The following FSTL4 variants were observed in gnomAD, a reference collection of about 807,000 sequenced individuals.
FSTL4 encodes the protein follistatin like 4, also known as follistatin-related protein 4.
A neutral mutation model predicts 78.2 loss-of-function variants in FSTL4; 28 were observed. The observed-to-expected ratio is 0.36, with a 90% CI of 0.27 to 0.49. The LOEUF is 0.49. Among genes scored for constraint, FSTL4 ranks in the 20% least tolerant of loss-of-function variants. The pLI, the probability that FSTL4 is intolerant of heterozygous loss-of-function variation, is 0.98. For missense variants in FSTL4, 922 were observed against 1,084.9 expected, an observed-to-expected ratio of 0.85 and a Z score of 2.11; for synonymous variants, 422 against 440.5, an observed-to-expected ratio of 0.96 and a Z score of 0.53.
chr5:133,715,856 C>T, the FSTL4 span, among the ~76,000 whole-genome samples: 8 of 152,178 alleles, frequency 5.3e-5, no homozygotes, highest in Admixed American at 2.0e-4. Context: ...TTTGCTTTCC[C>T]CACTCAGCTC....
the FSTL4 span, among the ~76,000 whole-genome samples, chr5:133,662,624 G>A: frequency 2.6e-5 from 4 of 152,206 alleles, no homozygotes; most frequent in Non-Finnish European, 2.9e-5. Context: ...TTCAGGCCAT[G>A]AAAAACTTTA....
intron 4 of FSTL4, among the ~76,000 whole-genome samples, chr5:133,321,006 CA>C (rs3976680): frequency 0.012 from 1,091 of 90,410 alleles, 9 homozygotes; most frequent in African/African-American, 0.042. Context: ...GACTCCGTCT[CA>C]AAAAAAAAAA....
intron 3 of FSTL4, among the ~76,000 whole-genome samples, chr5:133,425,066 T>C (rs754059452): frequency 1.4e-3 from 212 of 152,342 alleles, no homozygotes; most frequent in African/African-American, 4.9e-3. Flanking sequence ...CAAGTGAGTA[T>C]TGATAGAAAA....
At chr5:133,422,254 T>G (rs1756712193) in intron 3 of FSTL4, among the ~76,000 whole-genome samples, 1 of 152,084 alleles carries the variant, frequency 6.6e-6, no homozygotes, top group Admixed American at 6.6e-5. Flanking sequence ...CACTGGTGGA[T>G]TTTAAGCAGG....
At chr5:133,389,476 C>T (rs968090886) in intron 4 of FSTL4, among the ~76,000 whole-genome samples, 21 of 152,204 alleles carry the variant, frequency 1.4e-4, no homozygotes, top group Admixed American at 3.3e-4. Flanking sequence ...AGCTCACTCT[C>T]TGCGGAATTA....
At chr5:133,760,333 C>T in the FSTL4 span, among the ~76,000 whole-genome samples, 9 of 152,220 alleles carry the variant, frequency 5.9e-5, no homozygotes, top group Non-Finnish European at 1.3e-4. Flanking sequence ...GGAAAGGGAG[C>T]AGAACCTCTA....
At chr5:133,692,712 A>G in the FSTL4 span, among the ~76,000 whole-genome samples, 1 of 152,150 alleles carries the variant, frequency 6.6e-6, no homozygotes, top group African/African-American at 2.4e-5. Context: ...GTGTCTTCCA[A>G]GAGTGAGCAG....
At chr5:133,428,058 T>C (rs944543497) in intron 3 of FSTL4, among the ~76,000 whole-genome samples, 1 of 152,332 alleles carries the variant, frequency 6.6e-6, no homozygotes, top group East Asian at 1.9e-4. Flanking sequence ...AATGTGTGAA[T>C]AACAATACCT....
At chr5:133,404,696 G>A (rs535223176) in intron 3 of FSTL4, among the ~76,000 whole-genome samples, 6 of 152,226 alleles carry the variant, frequency 3.9e-5, no homozygotes, top group East Asian at 1.9e-4. Flanking sequence ...GTAATTGAGC[G>A]GTTGTGGAAG....
intron 3 of FSTL4, among the ~76,000 whole-genome samples, chr5:133,430,893 C>T (rs1756921208): frequency 6.6e-6 from 1 of 152,128 alleles, no homozygotes; most frequent in East Asian, 1.9e-4. Flanking sequence ...AAAAGGACAC[C>T]TTATACAAAC....
At chr5:133,404,644 C>T (rs1340333241) in intron 3 of FSTL4, among the ~76,000 whole-genome samples, 4 of 152,184 alleles carry the variant, frequency 2.6e-5, no homozygotes, top group African/African-American at 9.7e-5. Flanking sequence ...GTCACAGACC[C>T]AGGACTGCCA....
At chr5:133,281,091 C>T (rs1306955345) in intron 6 of FSTL4, among the ~76,000 whole-genome samples, 16 of 152,184 alleles carry the variant, frequency 1.1e-4, no homozygotes, top group Admixed American at 9.2e-4. Flanking sequence ...GAGCAGTGAG[C>T]CTGCACACCG....
chr5:133,432,948 A>T (rs975951385), intron 3 of FSTL4, among the ~76,000 whole-genome samples: 2 of 152,250 alleles, frequency 1.3e-5, no homozygotes, highest in South Asian at 2.1e-4. Flanking sequence ...GGCATGGCCC[A>T]GATCTTTTAA....
intron 4 of FSTL4, among the ~76,000 whole-genome samples, chr5:133,392,814 C>T (rs1297227528): frequency 2.0e-5 from 3 of 152,146 alleles, no homozygotes; most frequent in Admixed American, 6.5e-5. Context: ...GTGGGGGACT[C>T]GGAGGCTGTA....
At chr5:133,768,791 G>T in the FSTL4 span, among the ~76,000 whole-genome samples, 2 of 152,204 alleles carry the variant, frequency 1.3e-5, no homozygotes, top group African/African-American at 2.4e-5. Flanking sequence ...ATGGAAAAAG[G>T]AAGAAGAATA....
At chr5:133,800,085 T>C in the FSTL4 span, among the ~76,000 whole-genome samples, 1 of 139,170 alleles carries the variant, frequency 7.2e-6, no homozygotes, top group Non-Finnish European at 1.6e-5. Context: ...GTGTGGGGCA[T>C]GTAGACCATA....
chr5:133,239,996 G>T lies in FSTL4; in HGVS notation c.895-6459C>A, dbSNP rs114463196. 4.9e-3 allele frequency among the ~76,000 whole-genome samples: 751 copies of T among 152,338 alleles called. 7 individuals are homozygous for T. The highest frequency in any genetic ancestry group is 0.018 in the African/African-American group (729 of 41,584). On this transcript the variant is annotated intron_variant, in intron 7 of 15. Transcript: ENST00000265342. ...CCTCCGGAGTCAGAAGTGGCAACAC[G>T]CTGGGATTCCTTTCCACGCAGTGGA...
In FSTL4 at chr5:133,217,283, C is replaced by T. The variant is rs751503454; in HGVS notation, c.1554G>A (p.Gln518=). The T allele has an allele frequency of 1.2e-6, 2 of 1,613,816 alleles. No homozygotes were observed. The highest frequency in any genetic ancestry group is 2.2e-5 in the South Asian group (2 of 91,016). The change falls in exon 13 of 16, where the codon CAG becomes CAA. Residue 518 remains glutamine, a synonymous_variant. Transcript: ENST00000265342. ...NVRNRYIYVA[Q]PALSRVLVVD... ...CCACAAGGACTCTGCTCAGTGCTGG[C>T]TGGGCCACATAGATGTACCGGTTCC... is the stretch of plus-strand genomic sequence containing the variant.
chr5:133,320,364 A>T (rs1254771904), intron 4 of FSTL4, among the ~76,000 whole-genome samples: 2 of 152,064 alleles, frequency 1.3e-5, no homozygotes, highest in Non-Finnish European at 2.9e-5. Flanking sequence ...GGAGTGACTT[A>T]GCTGTGTGAA....
Sources: allele counts gnomAD v4.1 joint callset (sites outside exome capture counted in the v4.1 genomes callset), GRCh38; gene constraint gnomAD v4.1.1; transcripts MANE v1.5; gene names NCBI Gene and HGNC (gene_info 2026-07-23, HGNC 2026-07-21).